SCN11A: variants seen among roughly 807,000 people sequenced by gnomAD.
SCN11A encodes sodium channel protein type 11 subunit alpha.
In SCN11A, 122 loss-of-function variants were observed where a neutral mutation model predicts 162.2. That is an observed-to-expected ratio of 0.75 (90% CI 0.65 to 0.87). SCN11A has a LOEUF of 0.87. Ranked by LOEUF, SCN11A falls within the 40% of genes least tolerant of loss-of-function variation. SCN11A has a pLI of 0.00. For missense variants in SCN11A, 2,015 were observed against 2,181.6 expected (o/e 0.92, Z 1.52); for synonymous variants, 758 against 751.5 (o/e 1.01, Z -0.14).
At position 38,897,020 on chromosome 3, in the gene SCN11A, A is replaced by C. The variant is rs1456859246; in HGVS notation, c.2228T>G (p.Val743Gly). ...PKLCNPTGPT[V>G]SCLRHWHMGD... ...CATGTGCCAGTGCCGTAAACATGAGACTGTCGGGCCTGTCGGGTTACAGAG... is the reference window on the plus strand; with the variant it reads ...CATGTGCCAGTGCCGTAAACATGAGCCTGTCGGGCCTGTCGGGTTACAGAG... Residue 743 changes from valine (V) to glycine (G), a missense_variant, in exon 18 of 30, where the codon GTC (valine) becomes GGC (glycine). Val to Gly is a moderately radical substitution (Grantham distance 109, BLOSUM62 -3). Transcript: ENST00000302328. 6.2e-7 allele frequency: 1 copy of C among 1,614,038 alleles called. No homozygotes were observed. Among genetic ancestry groups the C allele is most frequent in the Non-Finnish European group, 8.5e-7 (1 of 1,180,034 alleles).
chr3:38,992,744 A>G (rs1191236954), intron 2 of SCN11A, among the ~76,000 whole-genome samples: 2 of 152,230 alleles, frequency 1.3e-5, no homozygotes, highest in South Asian at 2.1e-4. Context: ...TAGGAAACCA[A>G]TGCACAGATA....
intron 2 of SCN11A, among the ~76,000 whole-genome samples, chr3:38,995,574 G>A (rs2030600117): frequency 6.6e-6 from 1 of 152,148 alleles, no homozygotes; most frequent in Non-Finnish European, 1.5e-5. Flanking sequence ...GGAAGAGGAA[G>A]GAGAAATTCC....
chr3:38,938,509 C>CATATATATATATACATACAT (rs2066374489), intron 7 of SCN11A, among the ~76,000 whole-genome samples: 1 of 35,526 alleles, frequency 2.8e-5, no homozygotes, highest in African/African-American at 9.1e-5. Context: ...GGAAAAATAT[C>CATATATATATATACATACAT]ATATATATAT....
intron 21 of SCN11A, among the ~76,000 whole-genome samples, chr3:38,884,979 C>T (rs1210180339): frequency 6.6e-6 from 1 of 152,212 alleles, no homozygotes; most frequent in Non-Finnish European, 1.5e-5. Flanking sequence ...TACACCCTGA[C>T]ATTGAATGCC....
Position 39,036,680 on chromosome 3 carries a change from A to C in SCN11A, c.-403-4177T>G, listed in dbSNP as rs59576737. 7.6e-3 allele frequency among the ~76,000 whole-genome samples: 1,165 copies of C among 152,360 alleles called. 12 individuals carry two copies. Among genetic ancestry groups the C allele is most frequent in the African/African-American group, 0.027 (1,107 of 41,586 alleles). On this transcript the variant is annotated intron_variant, in intron 1 of 29. Transcript: ENST00000302328. ...AAGAAAAAATCTAATAATCCAATTAAAAATGGGCAAAAGATCTGAATAGAT... is the reference window on the plus strand; with the variant it reads ...AAGAAAAAATCTAATAATCCAATTACAAATGGGCAAAAGATCTGAATAGAT...
chr3:38,848,678 T>A (rs902296957), intron 29 of SCN11A, among the ~76,000 whole-genome samples: 1 of 152,228 alleles, frequency 6.6e-6, no homozygotes, highest in Non-Finnish European at 1.5e-5. Context: ...ACCTCCTCTA[T>A]GAATATTTCT....
intron 1 of SCN11A, among the ~76,000 whole-genome samples, chr3:39,047,037 CACCCCCATCCCCCCA>C (rs2032200336): frequency 9.2e-6 from 1 of 109,252 alleles, no homozygotes; most frequent in Non-Finnish European, 1.8e-5. Context: ...CCCCCACCCC[CACCCCCATCCCCCCA>C]CCCCCACCCC....
intron 22 of SCN11A, among the ~76,000 whole-genome samples, chr3:38,881,503 C>G (rs1344075902): frequency 6.6e-6 from 1 of 152,170 alleles, no homozygotes; most frequent in Non-Finnish European, 1.5e-5. Flanking sequence ...AATTGAGCTT[C>G]AGAGGCTTCC....
intron 2 of SCN11A, among the ~76,000 whole-genome samples, chr3:38,995,798 T>G (rs1036295990): frequency 6.8e-6 from 1 of 147,648 alleles, no homozygotes; most frequent in African/African-American, 2.6e-5. Flanking sequence ...CACAATAAAT[T>G]GTCTATCTAT....
At chr3:38,855,476 G>A (rs1463610431) in intron 28 of SCN11A, among the ~76,000 whole-genome samples, 1 of 152,092 alleles carries the variant, frequency 6.6e-6, no homozygotes, top group Non-Finnish European at 1.5e-5. Flanking sequence ...ACCCTTGGGA[G>A]TTTTATGGCT....
At chr3:39,002,681 G>A (rs1650495592) in intron 2 of SCN11A, among the ~76,000 whole-genome samples, 1 of 152,214 alleles carries the variant, frequency 6.6e-6, no homozygotes, top group African/African-American at 2.4e-5. Context: ...CCTTGATTTT[G>A]CATTTGGCTT....
chr3:38,906,500 C>G (rs1422579556), intron 14 of SCN11A, among the ~76,000 whole-genome samples: 1 of 152,140 alleles, frequency 6.6e-6, no homozygotes, highest in South Asian at 2.1e-4. Context: ...CCATAAATTA[C>G]CCTCCATCAA....
At position 38,846,622 on chromosome 3, in the gene SCN11A, G is replaced by C; in HGVS notation, c.*72C>G. 8.3e-7 allele frequency: 1 copy of C among 1,207,488 alleles called. No individual in the cohort carries two copies. The highest frequency in any genetic ancestry group is 1.2e-6 in the Non-Finnish European group (1 of 833,614). The allele number at this position is 1,207,488 out of a possible 1,614,324, so 74.8% of individuals were successfully genotyped here. A position where few individuals can be genotyped will look rare whatever the true frequency, so the allele number is the denominator to read the frequency against. On this transcript the variant is annotated 3_prime_UTR_variant, in exon 30 of 30. Coordinates refer to ENST00000302328, the MANE Select transcript of SCN11A (RefSeq NM_001349253.2). ...AATCCACTCCCTGTTGATACACTAA[G>C]CTGCTGACCCCTGGAGCTCAGAGGC...
chr3:39,033,388 C>G (rs1337753540), intron 1 of SCN11A, among the ~76,000 whole-genome samples: 1 of 152,124 alleles, frequency 6.6e-6, no homozygotes, highest in East Asian at 1.9e-4. Context: ...CATGTACAAT[C>G]TACATTTTAT....
intron 27 of SCN11A, among the ~76,000 whole-genome samples, chr3:38,863,854 G>T (rs1173107247): frequency 1.3e-5 from 2 of 152,102 alleles, no homozygotes; most frequent in Non-Finnish European, 2.9e-5. Flanking sequence ...ATTTAGAAAG[G>T]CTAGATAAAC....
rs779935698 is a variant in SCN11A at position 38,921,257 on chromosome 3, T to C, written c.713-2A>G. On this transcript the variant is annotated splice_acceptor_variant, in intron 9 of 29. Transcript: ENST00000302328. LOFTEE classifies it high-confidence loss of function. The stretch of plus-strand genomic sequence containing the variant: ...AGGCCCCCACGATGACCTTCAGACC[T>C]GAGAAAGAGGACAGGCTTGGGGAGA... 4 of 1,613,110 alleles carry C rather than the reference T, an allele frequency of 2.5e-6. No homozygotes were observed. The highest frequency in any genetic ancestry group is 3.3e-5 in the Admixed American group (2 of 59,934).
At chr3:39,030,837 GATCA>G (rs1326747010) in intron 2 of SCN11A, among the ~76,000 whole-genome samples, 5 of 152,070 alleles carry the variant, frequency 3.3e-5, no homozygotes, top group Admixed American at 2.6e-4. Flanking sequence ...GTATTTTCAT[GATCA>G]ATTATAGAAC....
chr3:38,849,643 A>T (rs2064742095), intron 29 of SCN11A: 1 of 152,226 alleles, frequency 6.6e-6, no homozygotes, highest in South Asian at 2.1e-4. Context: ...TGTCAAGTTA[A>T]CAGTTTAATT....
intron 28 of SCN11A, among the ~76,000 whole-genome samples, chr3:38,851,907 G>C (rs1305493302): frequency 1.6e-4 from 24 of 152,130 alleles, no homozygotes; most frequent in Admixed American, 1.6e-3. Flanking sequence ...AGTGGGCTTT[G>C]AGAAAGTTAA....
Sources: allele counts gnomAD v4.1 joint callset (sites outside exome capture counted in the v4.1 genomes callset), GRCh38; gene constraint gnomAD v4.1.1; transcripts MANE v1.5; gene names NCBI Gene and HGNC (gene_info 2026-07-23, HGNC 2026-07-21).